The following ALG13 variants were observed in gnomAD, a reference collection of about 807,000 sequenced individuals.
ALG13 encodes the protein UDP-N-acetylglucosamine transferase subunit ALG13.
In ALG13, 11 loss-of-function variants were observed where a neutral mutation model predicts 87.8. That is an observed-to-expected ratio of 0.13 (90% CI 0.08 to 0.21). ALG13 has a LOEUF of 0.21. Ranked by LOEUF, ALG13 falls within the 10% of genes least tolerant of loss-of-function variation. The pLI is 1.00. For missense variants in ALG13, 756 were observed against 866.1 expected, an observed-to-expected ratio of 0.87 and a Z score of 1.60; for synonymous variants, 320 against 306.3, an observed-to-expected ratio of 1.04 and a Z score of -0.47.
intron 11 of ALG13, among the ~76,000 whole-genome samples, chrX:111,720,919 G>C (rs768725460): frequency 1.8e-5 from 2 of 109,815 alleles, no homozygotes; most frequent in East Asian, 2.9e-4. Context: ...TCATTGCCAG[G>C]TTTAGACATT....
Position 111,736,839 on chromosome X carries a change from A to G in ALG13, c.2655A>G (p.Ile885Met). The change falls in exon 23 of 27, where the codon ATA becomes ATG. Residue 885 changes from isoleucine to methionine, a missense_variant. By Grantham distance (10) the Ile-to-Met change is conservative (BLOSUM62 1). Coordinates refer to ENST00000394780, the MANE Select transcript of ALG13 (RefSeq NM_001099922.3). ...CTTCAGTTTCCTCACAGAATGCTATACAGCCTCTCTTTGTATCTCCACCTA... is the reference window on the plus strand; with the variant it reads ...CTTCAGTTTCCTCACAGAATGCTATGCAGCCTCTCTTTGTATCTCCACCTA... ...STTSVSSQNA[I>M]QPLFVSPPTH... 8.3e-7 allele frequency: 1 copy of G among 1,210,349 alleles called. No individual in the cohort carries two copies. Among genetic ancestry groups the G allele is most frequent in the Non-Finnish European group, 1.1e-6 (1 of 894,751 alleles).
intron 3 of ALG13, chrX:111,690,177 G>C: frequency 1.3e-6 from 1 of 752,589 alleles, no homozygotes; most frequent in Non-Finnish European, 1.6e-6. Context: ...CCAAAAGTCT[G>C]TTTGAAATGT....
intron 26 of ALG13, among the ~76,000 whole-genome samples, chrX:111,758,034 C>T (rs1013588888): frequency 1.8e-5 from 2 of 111,282 alleles, no homozygotes; most frequent in African/African-American, 6.5e-5. Context: ...ACTGCTGACA[C>T]CTAAGCACTA....
chrX:111,748,569 C>G (rs1280945213), intron 24 of ALG13, among the ~76,000 whole-genome samples: 1 of 111,601 alleles, frequency 9.0e-6, no homozygotes, highest in Non-Finnish European at 1.9e-5. Flanking sequence ...GTAAAGTGTT[C>G]ACATATTTTG....
intron 3 of ALG13, chrX:111,688,428 A>C: frequency 1.3e-6 from 1 of 748,156 alleles, no homozygotes; most frequent in Non-Finnish European, 1.6e-6. Context: ...TAAGGAACCA[A>C]ATTTAAAAAA....
At chrX:111,682,023 T>G (rs1322040067) in intron 1 of ALG13, 109 bp from the exon 2 acceptor site, 3 of 893,262 alleles carry the variant, frequency 3.4e-6, no homozygotes, top group East Asian at 3.6e-5. Context: ...ATAGGCTTTT[T>G]GGCGGCCGTG....
At chrX:111,732,312 A>G (rs1232465529) in intron 21 of ALG13, among the ~76,000 whole-genome samples, 1 of 111,920 alleles carries the variant, frequency 8.9e-6, no homozygotes, top group African/African-American at 3.2e-5. Flanking sequence ...TCTAGTTACC[A>G]ATTTCTGTTT....
At chrX:111,700,871 G>A (rs1937739065) in intron 3 of ALG13, among the ~76,000 whole-genome samples, 1 of 107,684 alleles carries the variant, frequency 9.3e-6, no homozygotes, top group Admixed American at 1.0e-4. Flanking sequence ...GATTACAGGT[G>A]TGAGCCACCG....
chrX:111,681,578 T>C (rs1452657645), intron 1 of ALG13: 11 of 952,709 alleles, frequency 1.2e-5, no homozygotes, highest in Non-Finnish European at 1.5e-5. Flanking sequence ...CCCCGCGCTC[T>C]ATTCTCCGCC....
chrX:111,752,781 T>C lies in ALG13; in HGVS notation c.2933-9T>C. 1 of 1,163,890 alleles carries C rather than the reference T, an allele frequency of 8.6e-7. No homozygotes were observed. The highest frequency in any genetic ancestry group is 3.0e-5 in the East Asian group (1 of 33,217). On this transcript the variant is annotated splice_polypyrimidine_tract_variant and intron_variant, in intron 24 of 26. Coordinates refer to ENST00000394780, the MANE Select transcript of ALG13 (RefSeq NM_001099922.3). ...TCAAGTCACTAATTTTTTTGATTTT[T>C]AATTTTAGATACAAAAGTTTTGCAG...
chrX:111,689,510 T>G (rs941221602), intron 3 of ALG13: 1 of 752,041 alleles, frequency 1.3e-6, no homozygotes, highest in African/African-American at 2.3e-5. Context: ...TAAATTCCAT[T>G]ATTTCATTTA....
chrX:111,749,097 CAA>C (rs949398264), intron 24 of ALG13, among the ~76,000 whole-genome samples: 2 of 110,462 alleles, frequency 1.8e-5, no homozygotes, highest in African/African-American at 6.6e-5. Context: ...TTTAAAAAAA[CAA>C]AAAAAACAAC....
intron 3 of ALG13, among the ~76,000 whole-genome samples, chrX:111,705,361 A>G (rs1242400841): frequency 9.0e-6 from 1 of 111,730 alleles, no homozygotes; most frequent in Non-Finnish European, 1.9e-5. Context: ...AGTTCTTTAT[A>G]TATTTTGGTA....
chrX:111,689,593 C>G (rs771987402), intron 3 of ALG13: 4 of 753,486 alleles, frequency 5.3e-6, no homozygotes, highest in Non-Finnish European at 6.3e-6. Context: ...AATTTTGTAT[C>G]GATTTTGGAT....
rs192016350 is a variant in ALG13, at chrX:111,693,484, G to A, written c.383+8381G>A. ...TGGTCTTAAACTCCTGGCCTCAAGC[G>A]ATCCACCCACCTCGGCCTCCTAAAG... On this transcript the variant is annotated intron_variant, in intron 3 of 26. Transcript: ENST00000394780. Among the ~76,000 whole-genome samples the A allele has an allele frequency of 2.4e-3, 262 of 110,197 alleles. 1 individual carries two copies. The highest frequency in any genetic ancestry group is 9.5e-3 in the Middle Eastern group (2 of 211).
At chrX:111,705,856 TC>T (rs1569515013) in intron 3 of ALG13, among the ~76,000 whole-genome samples, 2 of 111,324 alleles carry the variant, frequency 1.8e-5, no homozygotes, top group East Asian at 5.6e-4. Context: ...TGTTTTTTTT[TC>T]AGTTTTCTAT....
intron 2 of ALG13, among the ~76,000 whole-genome samples, chrX:111,684,241 G>T (rs911095941): frequency 1.5e-4 from 17 of 111,915 alleles, no homozygotes; most frequent in South Asian, 1.1e-3. Context: ...GCATGTTTAA[G>T]GTAGGCTAGG....
intron 3 of ALG13, chrX:111,686,228 A>C: frequency 4.0e-6 from 3 of 752,139 alleles, no homozygotes; most frequent in African/African-American, 4.3e-5. Flanking sequence ...TGATGTTGCA[A>C]GAAGTAAATG....
intron 5 of ALG13, among the ~76,000 whole-genome samples, chrX:111,709,482 TCAGC>T (rs1167704048): frequency 1.8e-5 from 2 of 111,927 alleles, no homozygotes; most frequent in Admixed American, 9.5e-5. Context: ...ACAATAATCT[TCAGC>T]CAGTCAATTT....
Sources: allele counts gnomAD v4.1 joint callset (sites outside exome capture counted in the v4.1 genomes callset), GRCh38; gene constraint gnomAD v4.1.1; transcripts MANE v1.5; gene names NCBI Gene and HGNC (gene_info 2026-07-23, HGNC 2026-07-21).